The following DKKL1 variants were observed in gnomAD, a reference collection of about 807,000 sequenced individuals.
DKKL1 encodes dickkopf like acrosomal protein 1.
In DKKL1, 11 loss-of-function variants were observed where a neutral mutation model predicts 16.5. The observed-to-expected ratio is 0.67, with a 90% CI of 0.42 to 1.10. The LOEUF (loss-of-function observed/expected upper bound fraction) is 1.10, where lower values mean the gene tolerates loss of function less well. Ranked by LOEUF, DKKL1 falls within the 50% of genes least tolerant of loss-of-function variation. The pLI, the probability that DKKL1 is intolerant of heterozygous loss-of-function variation, is 0.00. For missense variants in DKKL1, 320 were observed against 308.1 expected (o/e 1.04, Z -0.29); for synonymous variants, 119 against 133.2 (o/e 0.89, Z 0.73).
intron 2 of DKKL1, among the ~76,000 whole-genome samples, chr19:49,364,974 C>G (rs1260253274): frequency 2.0e-5 from 3 of 151,744 alleles, no homozygotes; most frequent in African/African-American, 7.3e-5. Context: ...TGGAGACCAG[C>G]CTGGGTAACA....
intron 4 of DKKL1, chr19:49,370,421 C>A (rs984476761): frequency 6.6e-6 from 1 of 151,846 alleles, no homozygotes; most frequent in East Asian, 1.9e-4. Flanking sequence ...TGGTGAAAGA[C>A]CTTGCCAATG....
At chr19:49,374,456 G>A (rs1973641649) in intron 4 of DKKL1, among the ~76,000 whole-genome samples, 2 of 152,160 alleles carry the variant, frequency 1.3e-5, no homozygotes, top group African/African-American at 2.4e-5. Context: ...AATCCCAACA[G>A]GCATTATAAT....
rs751374702 is a variant in DKKL1, at chr19:49,364,797, G to C, written c.183+43G>C. ...GATGGGGGAAGAAGTACTGAGAAGAGGTTCAGGGACACAGAGTGGGAGATG... is the reference window on the plus strand; with the variant it reads ...GATGGGGGAAGAAGTACTGAGAAGACGTTCAGGGACACAGAGTGGGAGATG... On this transcript the variant is annotated intron_variant, in intron 2 of 4. Coordinates refer to ENST00000221498, the MANE Select transcript of DKKL1 (RefSeq NM_014419.4). 1.9e-6 allele frequency: 3 copies of C among 1,591,572 alleles called. No homozygotes were observed. In the South Asian group the frequency reaches 3.5e-5, roughly 18 times the overall value.
In DKKL1 at chr19:49,364,576, C is replaced by T. The variant is rs755667514; in HGVS notation, c.11-6C>T. 8 of 1,606,792 alleles carry T rather than the reference C, an allele frequency of 5.0e-6. No individual in the cohort carries two copies. In the South Asian group the frequency reaches 7.8e-5, roughly 16 times the overall value. The stretch of plus-strand genomic sequence containing the variant: ...TGCGGGGCTCTGACCCCGACCCTTG[C>T]CACAGCCTCCCCACCTGCCCCCGCA... On this transcript the variant is annotated splice_polypyrimidine_tract_variant and splice_region_variant and intron_variant, in intron 1 of 4. Coordinates refer to ENST00000221498, the MANE Select transcript of DKKL1 (RefSeq NM_014419.4).
At chr19:49,373,444 A>G (rs1973587924) in intron 4 of DKKL1, among the ~76,000 whole-genome samples, 1 of 152,090 alleles carries the variant, frequency 6.6e-6, no homozygotes, top group South Asian at 2.1e-4. Flanking sequence ...TCAAAATATG[A>G]ATTTGGGGAG....
upstream of DKKL1, among the ~76,000 whole-genome samples, chr19:49,362,916 T>TTTTGTTG (rs1555787013): frequency 2.5e-4 from 35 of 137,308 alleles, 3 homozygotes; most frequent in Non-Finnish European, 3.5e-4. Flanking sequence ...TTTTGGTTTT[T>TTTTGTTG]TTGTTTTTTG....
At chr19:49,374,275 T>G (rs932221614) in intron 4 of DKKL1, among the ~76,000 whole-genome samples, 1 of 152,190 alleles carries the variant, frequency 6.6e-6, no homozygotes. Flanking sequence ...CATGAGCCAC[T>G]GCACCTGGCC....
At chr19:49,360,720 G>A (rs531326373), upstream of DKKL1, among the ~76,000 whole-genome samples, 11 of 144,704 alleles carry the variant, frequency 7.6e-5, no homozygotes, top group Non-Finnish European at 1.4e-4. Context: ...ACTGAGGGGA[G>A]GTCTAGAGAG....
At chr19:49,367,417 T>C (rs570115890) in intron 4 of DKKL1, among the ~76,000 whole-genome samples, 104 of 151,438 alleles carry the variant, frequency 6.9e-4, no homozygotes, top group Non-Finnish European at 1.1e-3. Context: ...TTTTTTTTTT[T>C]TTTTTTTGGA....
In DKKL1 at chr19:49,365,566, C is replaced by T; in HGVS notation, c.241C>T (p.Leu81Phe). ...CTCTGCCCCCATGGACTTCCGGGGCCTCCCTGGGAACTACCACAAAGAGGA... is the reference window on the plus strand; with the variant it reads ...CTCTGCCCCCATGGACTTCCGGGGCTTCCCTGGGAACTACCACAAAGAGGA... ...LFSAPMDFRG[L>F]PGNYHKEENQ... Residue 81 changes from leucine (L) to phenylalanine (F), a missense_variant, in exon 3 of 5, where the codon CTC (leucine) becomes TTC (phenylalanine). Coordinates refer to ENST00000221498, the MANE Select transcript of DKKL1 (RefSeq NM_014419.4). 6.2e-7 allele frequency: 1 copy of T among 1,613,946 alleles called. No individual in the cohort carries two copies. The highest frequency in any genetic ancestry group is 8.5e-7 in the Non-Finnish European group (1 of 1,179,908).
chr19:49,370,522 G>A (rs566384182), intron 4 of DKKL1: 1 of 151,618 alleles, frequency 6.6e-6, no homozygotes, highest in East Asian at 1.9e-4. Context: ...GGAAGACCTT[G>A]CCAACAAAAG....
upstream of DKKL1, among the ~76,000 whole-genome samples, chr19:49,362,117 G>A (rs1257310243): frequency 6.6e-6 from 1 of 151,950 alleles, no homozygotes; most frequent in Non-Finnish European, 1.5e-5. Context: ...CCCCGCCAGC[G>A]CCCTTGGCCC....
At chr19:49,367,586 TAG>T (rs1312233235) in intron 4 of DKKL1, among the ~76,000 whole-genome samples, 1 of 151,256 alleles carries the variant, frequency 6.6e-6, no homozygotes. Context: ...TTTCTATTTT[TAG>T]AGAGACAAGG....
At chr19:49,367,707 G>GGCCAC (rs1256449017) in intron 4 of DKKL1, among the ~76,000 whole-genome samples, 2 of 152,176 alleles carry the variant, frequency 1.3e-5, no homozygotes, top group East Asian at 1.9e-4. Context: ...TGCCTGGCCA[G>GGCCAC]GCCACCTTTG....
Position 49,373,096 on chromosome 19 carries a change from G to A in DKKL1, c.418-1621G>A, listed in dbSNP as rs147833533. ...AGGCAGGTGGATCACCTGAGGTCAG[G>A]AGGTTGAGACCAACCTGGCCAACAT... is the stretch of plus-strand genomic sequence containing the variant. On this transcript the variant is annotated intron_variant, in intron 4 of 4. Coordinates refer to ENST00000221498, the MANE Select transcript of DKKL1 (RefSeq NM_014419.4). Among the ~76,000 whole-genome samples, 418 of 152,100 alleles carry A rather than the reference G, an allele frequency of 2.7e-3. 2 individuals are homozygous for A. Among genetic ancestry groups the A allele is most frequent in the Non-Finnish European group, 5.1e-3 (345 of 67,996 alleles).
Position 49,374,824 on chromosome 19 carries a change from A to G in DKKL1, c.525A>G (p.Pro175=), listed in dbSNP as rs756102566. Residue 175 remains proline, a synonymous_variant, in exon 5 of 5, where the codon CCA becomes CCG. Transcript: ENST00000221498. ...PRVAFWIIKL[P]RRRSHQDALE... ...TGGCCTTCTGGATCATTAAGCTGCC[A>G]CGGCGGAGGTCCCACCAGGATGCCC... is the stretch of plus-strand genomic sequence containing the variant. 6.2e-7 allele frequency: 1 copy of G among 1,613,606 alleles called. No individual in the cohort carries two copies. The highest frequency in any genetic ancestry group is 1.1e-5 in the South Asian group (1 of 90,996).
intron 4 of DKKL1, among the ~76,000 whole-genome samples, chr19:49,372,159 C>G (rs1973517082): frequency 6.6e-6 from 1 of 152,018 alleles, no homozygotes; most frequent in Admixed American, 6.6e-5. Flanking sequence ...ACCAAAATTT[C>G]TTAAGGTTGG....
chr19:49,370,252 C>T (rs974511457), intron 4 of DKKL1: 1 of 152,194 alleles, frequency 6.6e-6, no homozygotes, highest in Non-Finnish European at 1.5e-5. Context: ...GATTAGGACA[C>T]CCCACTGGAT....
chr19:49,361,398 A>C (rs7257323), upstream of DKKL1: 5,252 of 153,354 alleles, frequency 0.034, 285 homozygotes, highest in African/African-American at 0.12. Context: ...ACGGAGACCT[A>C]GAAAGGGCAG....
Sources: allele counts gnomAD v4.1 joint callset (sites outside exome capture counted in the v4.1 genomes callset), GRCh38; gene constraint gnomAD v4.1.1; transcripts MANE v1.5; gene names NCBI Gene and HGNC (gene_info 2026-07-23, HGNC 2026-07-21).